CD36: variants seen among roughly 807,000 people sequenced by gnomAD.
CD36 encodes CD36 molecule (CD36 blood group), also known as platelet glycoprotein 4.
A neutral mutation model predicts 55.2 loss-of-function variants in CD36; 119 were observed. That is an observed-to-expected ratio of 2.15 (90% CI 1.86 to 2.51). CD36 has a LOEUF of 2.51. Among genes scored for constraint, CD36 ranks in the 30% most tolerant of loss-of-function variants. The pLI, the probability that CD36 is intolerant of heterozygous loss-of-function variation, is 0.00. For missense variants in CD36, 819 were observed against 555.5 expected, an observed-to-expected ratio of 1.47 and a Z score of -4.77; for synonymous variants, 186 against 193.6, an observed-to-expected ratio of 0.96 and a Z score of 0.33.
intron 6 of CD36, among the ~76,000 whole-genome samples, chr7:80,664,051 CTG>C (rs1457148147): frequency 6.6e-6 from 1 of 152,020 alleles, no homozygotes; most frequent in Admixed American, 6.6e-5. Flanking sequence ...TTATTAATGA[CTG>C]TAACATTTAG....
chr7:80,672,720 TAAAATAATGTTTTTAAAAGTTGGTA>T, intron 11 of CD36, 25 bp from the exon 12 acceptor site: 2 of 1,287,674 alleles, frequency 1.6e-6, no homozygotes, highest in Non-Finnish European at 2.2e-6. Context: ...TTGAATAGTA[TAAAATAATGTTTTTAAAAGTTGGTA>T]ATTATTTAGT....
Position 80,646,801 on chromosome 7 carries a change from GTGTT to G in CD36, c.64_67del (p.Phe22GlufsTer4). The G allele has an allele frequency of 6.2e-7, 1 of 1,614,012 alleles. No individual in the cohort carries two copies. The highest frequency in any genetic ancestry group is 8.5e-7 in the Non-Finnish European group (1 of 1,179,912). ...GGCTGTCATTGGTGCTGTCCTGGCT[GTGTT>G]TGGAGGTATTCTAATGCCAGTTGGA... On this transcript the variant is annotated frameshift_variant, in exon 3 of 15. Coordinates refer to ENST00000447544, the MANE Select transcript of CD36 (RefSeq NM_001001548.3). LOFTEE classifies it high-confidence loss of function.
intron 1 of CD36, among the ~76,000 whole-genome samples, chr7:80,644,113 T>G (rs1794989788): frequency 6.6e-6 from 1 of 152,222 alleles, no homozygotes; most frequent in African/African-American, 2.4e-5. Context: ...AAGGAAATTC[T>G]ATTTGACAAT....
At chr7:80,607,619 C>G (rs1357013732) in intron 1 of CD36, among the ~76,000 whole-genome samples, 2 of 152,162 alleles carry the variant, frequency 1.3e-5, no homozygotes, top group Admixed American at 6.5e-5. Context: ...GTGATATTAT[C>G]AATTTTCATG....
intron 1 of CD36, among the ~76,000 whole-genome samples, chr7:80,622,380 T>G (rs1793517984): frequency 6.6e-6 from 1 of 152,202 alleles, no homozygotes; most frequent in Non-Finnish European, 1.5e-5. Context: ...AGAAAAATCT[T>G]ACCTTACTAG....
intron 3 of CD36, among the ~76,000 whole-genome samples, chr7:80,647,679 G>A (rs1411856125): frequency 6.6e-6 from 1 of 152,152 alleles, no homozygotes; most frequent in African/African-American, 2.4e-5. Context: ...TCAAATGGCT[G>A]CAGGAGTTTG....
At chr7:80,673,207 A>AAAAAC (rs1201068812) in intron 12 of CD36, 148 bp from the exon 13 acceptor site, 1 of 533,596 alleles carries the variant, frequency 1.9e-6, no homozygotes, top group Non-Finnish European at 3.3e-6. Flanking sequence ...AAAGGAAGTC[A>AAAAAC]AAAACAACTA....
intron 4 of CD36, 145 bp downstream of exon 4, chr7:80,656,845 A>T: frequency 2.8e-6 from 2 of 717,232 alleles, no homozygotes; most frequent in Admixed American, 5.4e-5. Context: ...TCCTGTCTGT[A>T]TAGAATCCTA....
rs761063834 is a variant in CD36, at chr7:80,661,147, C to T, written c.366C>T (p.Phe122=). The change falls in exon 5 of 15, where the codon TTC becomes TTT. Residue 122 remains phenylalanine (F), a synonymous_variant. Transcript: ENST00000447544. ...VSFLQPNGAI[F]EPSLSVGTEA... ...TCCTGCAGCCCAATGGTGCCATCTT[C>T]GAACCTTCACTATCAGTTGGAACAG... 14 of 1,613,906 alleles carry T rather than the reference C, an allele frequency of 8.7e-6. 1 individual carries two copies. Among genetic ancestry groups the T allele is most frequent in the African/African-American group, 2.7e-5 (2 of 75,040 alleles).
chr7:80,644,969 T>C (rs1163207496), intron 1 of CD36, among the ~76,000 whole-genome samples: 1 of 152,052 alleles, frequency 6.6e-6, no homozygotes, highest in Non-Finnish European at 1.5e-5. Flanking sequence ...GAATTAACTC[T>C]GATTATTACA....
chr7:80,669,791 C>G (rs1172798148), intron 8 of CD36, among the ~76,000 whole-genome samples, 162 bp from the exon 9 acceptor site: 1 of 152,144 alleles, frequency 6.6e-6, no homozygotes, highest in Admixed American at 6.5e-5. Flanking sequence ...GCCAGCATGC[C>G]TGGCCGGTTA....
chr7:80,636,910 G>A (rs1484003307), upstream of CD36: 1 of 152,040 alleles, frequency 6.6e-6, no homozygotes, highest in African/African-American at 2.4e-5. Flanking sequence ...ATGTAAATTT[G>A]ATTCTTTGGA....
At chr7:80,628,035 T>A (rs749307282) in intron 1 of CD36, among the ~76,000 whole-genome samples, 2 of 152,000 alleles carry the variant, frequency 1.3e-5, no homozygotes, top group Non-Finnish European at 2.9e-5. Context: ...ACATGCATGA[T>A]GTCTATTAAA....
At chr7:80,644,857 A>G (rs1257380691) in intron 1 of CD36, among the ~76,000 whole-genome samples, 1 of 152,196 alleles carries the variant, frequency 6.6e-6, no homozygotes, top group African/African-American at 2.4e-5. Context: ...TATAAACTAT[A>G]AAGCGCATTC....
rs1305912074 is a variant in CD36, at chr7:80,678,591, T to A, written c.*2208T>A. 6.6e-6 allele frequency: 1 copy of A among 152,216 alleles called. No individual in the cohort carries two copies. The highest frequency in any genetic ancestry group is 2.4e-5 in the African/African-American group (1 of 41,428). The allele number at this position is 152,216 out of a possible 1,614,324, so 9.4% of individuals were successfully genotyped here. ...GATGTGTATACATGGCCAGGCATGGTGGCTCATGCCTGTAATCCCAGCACT... is the reference window on the plus strand; with the variant it reads ...GATGTGTATACATGGCCAGGCATGGAGGCTCATGCCTGTAATCCCAGCACT... On this transcript the variant is annotated 3_prime_UTR_variant, in exon 15 of 15. Coordinates refer to ENST00000447544, the MANE Select transcript of CD36 (RefSeq NM_001001548.3).
intron 8 of CD36, among the ~76,000 whole-genome samples, chr7:80,669,588 C>T (rs1421696734): frequency 6.6e-6 from 1 of 151,820 alleles, no homozygotes; most frequent in East Asian, 2.0e-4. Context: ...ATAGCTGAGG[C>T]AGGCCTATCC....
In CD36 at chr7:80,677,700, C is replaced by G. The variant is rs990048944; in HGVS notation, c.*1317C>G. The G allele has an allele frequency of 6.6e-6, 1 of 152,094 alleles. No homozygotes were observed. Among genetic ancestry groups the G allele is most frequent in the Non-Finnish European group, 1.5e-5 (1 of 68,024 alleles). 9.4% of individuals were successfully genotyped at this position (152,094 alleles called of 1,614,324 possible). ...CTATTTGCATTAGGATATTTGTGGACATGTCCATCTAATATAAAGGAAAGT... is the reference window on the plus strand; with the variant it reads ...CTATTTGCATTAGGATATTTGTGGAGATGTCCATCTAATATAAAGGAAAGT... On this transcript the variant is annotated 3_prime_UTR_variant, in exon 15 of 15. Coordinates refer to ENST00000447544, the MANE Select transcript of CD36 (RefSeq NM_001001548.3).
intron 1 of CD36, among the ~76,000 whole-genome samples, chr7:80,616,222 A>G (rs756579702): frequency 1.3e-5 from 2 of 152,182 alleles, no homozygotes; most frequent in Non-Finnish European, 2.9e-5. Flanking sequence ...CTTATCTTAT[A>G]TGTGCTCAGA....
In CD36 at chr7:80,672,620, C is replaced by A. The variant is rs1405747; in HGVS notation, c.1126-150C>A. 0.43 allele frequency: 266,969 copies of A among 622,158 alleles called. 58,529 individuals carry two copies. Among genetic ancestry groups the A allele is most frequent in the East Asian group, 0.55 (19,560 of 35,382 alleles). The allele number at this position is 622,158 out of a possible 1,614,324, so 38.5% of individuals were successfully genotyped here. On this transcript the variant is annotated intron_variant, in intron 11 of 14. Transcript: ENST00000447544. ...TCTATATGGATGCATGTGTATATAA[C>A]TATAACTATATATGCAGTTTTAAAA...
Sources: allele counts gnomAD v4.1 joint callset (sites outside exome capture counted in the v4.1 genomes callset), GRCh38; gene constraint gnomAD v4.1.1; transcripts MANE v1.5; gene names NCBI Gene and HGNC (gene_info 2026-07-23, HGNC 2026-07-21).